BHLHE41: variants seen among roughly 807,000 people sequenced by gnomAD.
The protein encoded by BHLHE41 is class E basic helix-loop-helix protein 41.
BHLHE41 carries 14 observed loss-of-function variants against 24.0 expected under a neutral mutation model. The ratio of observed to expected loss-of-function variants is 0.58; its 90% confidence interval spans 0.39 to 0.91. The LOEUF is 0.91. Among genes scored for constraint, BHLHE41 ranks in the 40% least tolerant of loss-of-function variants. The pLI, the probability that BHLHE41 is intolerant of heterozygous loss-of-function variation, is 0.00. For missense variants in BHLHE41, 674 were observed against 655.4 expected (o/e 1.03, Z -0.31); for synonymous variants, 394 against 315.5 (o/e 1.25, Z -2.64).
chr12:26,124,550 G>A lies in BHLHE41; in HGVS notation c.95C>T (p.Pro32Leu), dbSNP rs1440971433. The change falls in exon 2 of 5, where the codon CCC (proline) becomes CTC (leucine). Residue 32 changes from proline (P) to leucine (L), a missense_variant. By Grantham distance (98) the Pro-to-Leu change is moderately conservative. This residue lies in a region of BHLHE41 where 67 missense variants were observed against 62.4 expected (regional missense o/e 1.07). Transcript: ENST00000242728. ...GTCGTCTCGTTTCATGCTCCTTTTG[G>A]GTTTACACATATACAAAGAGGAATA... Reference protein sequence around the residue: ...LDYSSLYMCKPKRSMKRDDTK... With the variant: ...LDYSSLYMCKLKRSMKRDDTK... 6.2e-7 allele frequency: 1 copy of A among 1,613,872 alleles called. No homozygotes were observed. Among genetic ancestry groups the A allele is most frequent in the Non-Finnish European group, 8.5e-7 (1 of 1,180,004 alleles).
Position 26,122,193 on chromosome 12 carries a change from A to T in BHLHE41, c.1322T>A (p.Leu441His). The part of the protein sequence containing the change: ...ATLLPHEVAP[L>H]GAPHPQHPHG... The stretch of plus-strand genomic sequence containing the variant: ...CGGGTGCTGGGGGTGCGGCGCCCCA[A>T]GGGGCGCCACCTCGTGCGGCAGGAG... Residue 441 changes from leucine (L) to histidine (H), a missense_variant, in exon 5 of 5, where the codon CTT (leucine) becomes CAT (histidine). By Grantham distance (99) the Leu-to-His change is moderately conservative. Coordinates refer to ENST00000242728, the MANE Select transcript of BHLHE41 (RefSeq NM_030762.3). The T allele has an allele frequency of 6.9e-7, 1 of 1,444,366 alleles. No individual in the cohort carries two copies. The highest frequency in any genetic ancestry group is 9.1e-7 in the Non-Finnish European group (1 of 1,100,832). 89.5% of individuals were successfully genotyped at this position (1,444,366 alleles called of 1,614,324 possible).
In BHLHE41 at chr12:26,122,905, G is replaced by A; in HGVS notation, c.610C>T (p.Leu204=). The change falls in exon 5 of 5, where the codon CTG becomes TTG. Residue 204 remains leucine, a synonymous_variant. Coordinates refer to ENST00000242728, the MANE Select transcript of BHLHE41 (RefSeq NM_030762.3). Reference sequence around the variant, plus strand: ...TCCAGCTTCTGCCCCGCGCGCTCCAGGCAGGGGGCGGCCGCGGACCCGGCG... The same window carrying A: ...TCCAGCTTCTGCCCCGCGCGCTCCAAGCAGGGGGCGGCCGCGGACCCGGCG... ...SAAGSAAAPC[L]ERAGQKLEPL... 1 of 1,549,832 alleles carries A rather than the reference G, an allele frequency of 6.5e-7. No individual in the cohort carries two copies. The highest frequency in any genetic ancestry group is 8.7e-7 in the Non-Finnish European group (1 of 1,146,512).
Position 26,121,811 on chromosome 12 carries a change from C to T in BHLHE41, c.*255G>A, listed in dbSNP as rs2137384032. The T allele has an allele frequency of 2.4e-6, 2 of 843,146 alleles. No homozygotes were observed. The highest frequency in any genetic ancestry group is 4.1e-4 in the Middle Eastern group (1 of 2,416). The allele number at this position is 843,146 out of a possible 1,614,324, so 52.2% of individuals were successfully genotyped here. A position where few individuals can be genotyped will look rare whatever the true frequency, so the allele number is the denominator to read the frequency against. Reference sequence around the variant, plus strand: ...AGAGCCAGTGTCTTTCGCATAGGATCTTTTACAGCTGGTGGGGGGAAGAAA... The same window carrying T: ...AGAGCCAGTGTCTTTCGCATAGGATTTTTTACAGCTGGTGGGGGGAAGAAA... On this transcript the variant is annotated 3_prime_UTR_variant, in exon 5 of 5. Coordinates refer to ENST00000242728, the MANE Select transcript of BHLHE41 (RefSeq NM_030762.3).
chr12:26,124,797 T>A lies in BHLHE41; in HGVS notation c.-18A>T. The A allele has an allele frequency of 6.2e-7, 1 of 1,614,046 alleles. No homozygotes were observed. Among genetic ancestry groups the A allele is most frequent in the Non-Finnish European group, 8.5e-7 (1 of 1,179,898 alleles). On this transcript the variant is annotated 5_prime_UTR_variant, in exon 1 of 5. Transcript: ENST00000242728. ...TCGTCCATGTTCAACTGCTGTTCGT[T>A]TCCTCTGTTTCGATTTTTGGGGCTC...
rs1306954687 is a variant in BHLHE41 at position 26,122,921 on chromosome 12, G to T, written c.594C>A (p.Ser198=). Residue 198 remains serine, a synonymous_variant, in exon 5 of 5, where the codon TCC becomes TCA. Coordinates refer to ENST00000242728, the MANE Select transcript of BHLHE41 (RefSeq NM_030762.3). ...CGCGCTCCAGGCAGGGGGCGGCCGCGGACCCGGCGGCCGAGGGAGCGCCGG... is the reference window on the plus strand; with the variant it reads ...CGCGCTCCAGGCAGGGGGCGGCCGCTGACCCGGCGGCCGAGGGAGCGCCGG... ...KGTGAPSAAG[S]AAAPCLERAG... is the part of the protein sequence containing the mutation. 1 of 1,550,042 alleles carries T rather than the reference G, an allele frequency of 6.5e-7. No individual in the cohort carries two copies. The highest frequency in any genetic ancestry group is 1.2e-5 in the South Asian group (1 of 83,964).
Position 26,124,084 on chromosome 12 carries a change from A to T in BHLHE41, c.222T>A (p.His74Gln). Residue 74 changes from histidine (H) to glutamine (Q), a missense_variant, in exon 3 of 5, where the codon CAT (histidine) becomes CAA (glutamine). His to Gln is a conservative substitution (Grantham distance 24, BLOSUM62 0). Around this residue, in one of 3 missense-constraint regions of BHLHE41, gnomAD observed 602 missense variants for 570.8 expected, o/e 1.05. Transcript: ENST00000242728. Reference sequence around the variant, plus strand: ...ATGTGCATCTTACTGTCAATTTCAGATGTTCAGGCAGTAAATCTTTCAGCT... The same window carrying T: ...ATGTGCATCTTACTGTCAATTTCAGTTGTTCAGGCAGTAAATCTTTCAGCT... ...IAQLKDLLPEHLKLTTLGHLE... is the reference protein window; with the variant it reads ...IAQLKDLLPEQLKLTTLGHLE... 1 of 1,604,734 alleles carries T rather than the reference A, an allele frequency of 6.2e-7. No individual in the cohort carries two copies.
chr12:26,124,224 C>A, intron 2 of BHLHE41, 45 bp from the exon 3 acceptor site: 1 of 1,278,538 alleles, frequency 7.8e-7, no homozygotes, highest in Non-Finnish European at 1.1e-6. Flanking sequence ...GTAAGCGAAA[C>A]ATTCACTTAT....
chr12:26,122,745 C>A lies in BHLHE41; in HGVS notation c.770G>T (p.Gly257Val). 1 of 1,597,532 alleles carries A rather than the reference C, an allele frequency of 6.3e-7. No individual in the cohort carries two copies. Among genetic ancestry groups the A allele is most frequent in the Non-Finnish European group, 8.5e-7 (1 of 1,176,564 alleles). The change falls in exon 5 of 5, where the codon GGC becomes GTC. Residue 257 changes from glycine to valine, a missense_variant. By Grantham distance (109) the Gly-to-Val change is moderately radical (BLOSUM62 -3). This residue lies in a region of BHLHE41 where 602 missense variants were observed against 570.8 expected (regional missense o/e 1.05). Transcript: ENST00000242728. ...EARPDREKGK[G>V]AGASRVTIKQ... ...GATGGTGACGCGGCTCGCCCCCGCG[C>A]CTTTGCCTTTCTCGCGGTCCGGCCG...
rs1565665138 is a variant in BHLHE41, at chr12:26,123,204, G to A, written c.347-36C>T. 3.9e-6 allele frequency: 6 copies of A among 1,544,204 alleles called. No individual in the cohort carries two copies. The African/African-American group carries it at 4.1e-5, about 11-fold the overall frequency. Reference sequence around the variant, plus strand: ...GAAGGGATGGGGGTGGGGGACGGAGGAGTGGAGGCAAGAAGAAACATACCC... The same window carrying A: ...GAAGGGATGGGGGTGGGGGACGGAGAAGTGGAGGCAAGAAGAAACATACCC... On this transcript the variant is annotated intron_variant, in intron 4 of 4. Coordinates refer to ENST00000242728, the MANE Select transcript of BHLHE41 (RefSeq NM_030762.3).
rs1221185550 is a variant in BHLHE41, at chr12:26,122,067, C to T, written c.1448G>A (p.Ter483=). 6.5e-7 allele frequency: 1 copy of T among 1,549,492 alleles called. No homozygotes were observed. Among genetic ancestry groups the T allele is most frequent in the Admixed American group, 2.0e-5 (1 of 50,960 alleles). The part of the protein sequence containing the change: ...DPSQPGKEAP[*] ...CTCCGTCCTTCGGGACGCAAGGATT[C>T]AGGGAGCTTCCTTTCCTGGCTGCGA... is the stretch of plus-strand genomic sequence containing the variant. The change falls in exon 5 of 5, where the codon TGA becomes TAA. Residue 483 remains the stop codon, a stop_retained_variant. Coordinates refer to ENST00000242728, the MANE Select transcript of BHLHE41 (RefSeq NM_030762.3).
At position 26,124,937 on chromosome 12, in the gene BHLHE41, T is replaced by TC. The variant is rs200202440; in HGVS notation, c.-159dup. The TC allele has an allele frequency of 8.6e-3, 6,482 of 751,328 alleles. 73 individuals carry two copies. Among genetic ancestry groups the TC allele is most frequent in the African/African-American group, 0.035 (2,033 of 57,744 alleles). 46.5% of individuals were successfully genotyped at this position (751,328 alleles called of 1,614,324 possible). On this transcript the variant is annotated 5_prime_UTR_variant, in exon 1 of 5. Transcript: ENST00000242728. ...AGTGTTGAAAGTGTGAAGCAGTTGG[T>TC]CCCCCCCCTCCACCGCGCTCGCACA...
In BHLHE41 at chr12:26,124,549, G is replaced by C. The variant is rs1944345903; in HGVS notation, c.96C>G (p.Pro32=). The part of the protein sequence containing the change: ...LDYSSLYMCK[P]KRSMKRDDTK... The stretch of plus-strand genomic sequence containing the variant: ...TGTCGTCTCGTTTCATGCTCCTTTT[G>C]GGTTTACACATATACAAAGAGGAAT... The change falls in exon 2 of 5, where the codon CCC becomes CCG. Residue 32 remains proline, a synonymous_variant. Transcript: ENST00000242728. The C allele has an allele frequency of 1.2e-6, 2 of 1,613,892 alleles. No individual in the cohort carries two copies. Among genetic ancestry groups the C allele is most frequent in the African/African-American group, 2.7e-5 (2 of 74,844 alleles).
rs954171284 is a variant in BHLHE41 at position 26,124,914 on chromosome 12, T to C, written c.-135A>G. The C allele has an allele frequency of 1.2e-5, 11 of 899,240 alleles. No homozygotes were observed. In the African/African-American group the frequency reaches 1.8e-4, roughly 15 times the overall value. 55.7% of individuals were successfully genotyped at this position (899,240 alleles called of 1,614,324 possible). ...CTCTCGCTCTCCCTCTTCAGTGCAG[T>C]GTTGAAAGTGTGAAGCAGTTGGTCC... On this transcript the variant is annotated 5_prime_UTR_variant, in exon 1 of 5. Coordinates refer to ENST00000242728, the MANE Select transcript of BHLHE41 (RefSeq NM_030762.3).
Position 26,124,772 on chromosome 12 carries a change from T to C in BHLHE41, c.8A>G (p.Glu3Gly). Reference protein sequence around the residue: MDEGIPHLQERQL... With the variant: MDGGIPHLQERQL... Reference sequence around the variant, plus strand: ...TCTCTCTTGCAAATGAGGAATTCCTTCGTCCATGTTCAACTGCTGTTCGTT... The same window carrying C: ...TCTCTCTTGCAAATGAGGAATTCCTCCGTCCATGTTCAACTGCTGTTCGTT... The change falls in exon 1 of 5, where the codon GAA becomes GGA. Residue 3 changes from glutamate to glycine, a missense_variant. Coordinates refer to ENST00000242728, the MANE Select transcript of BHLHE41 (RefSeq NM_030762.3). 6.2e-7 allele frequency: 1 copy of C among 1,614,184 alleles called. No individual in the cohort carries two copies. Among genetic ancestry groups the C allele is most frequent in the Non-Finnish European group, 8.5e-7 (1 of 1,180,026 alleles).
chr12:26,123,950 G>T, intron 3 of BHLHE41, 122 bp downstream of exon 3: 1 of 803,976 alleles, frequency 1.2e-6, no homozygotes. Context: ...AACTCTGTAC[G>T]GTATAGCACA....
chr12:26,125,031 GTGT>G lies in BHLHE41; in HGVS notation c.-255_-253del, dbSNP rs1944351869. 1 of 583,666 alleles carries G rather than the reference GTGT, an allele frequency of 1.7e-6. No individual in the cohort carries two copies. The highest frequency in any genetic ancestry group is 2.6e-5 in the Admixed American group (1 of 38,400). The allele number at this position is 583,666 out of a possible 1,614,324, so 36.2% of individuals were successfully genotyped here. On this transcript the variant is annotated 5_prime_UTR_variant, in exon 1 of 5. Coordinates refer to ENST00000242728, the MANE Select transcript of BHLHE41 (RefSeq NM_030762.3). ...TGGTAGTTTGCTCTCACTCCAGGCA[GTGT>G]TTGGCCACAGGGCACGCGCGTCGCC...
Position 26,122,386 on chromosome 12 carries a change from A to C in BHLHE41, c.1129T>G (p.Tyr377Asp). The change falls in exon 5 of 5, where the codon TAC (tyrosine) becomes GAC (aspartate). Residue 377 changes from tyrosine (Y) to aspartate (D), a missense_variant. Tyr to Asp is a radical substitution (Grantham distance 160). This residue lies in a region of BHLHE41 where 602 missense variants were observed against 570.8 expected (regional missense o/e 1.05). Transcript: ENST00000242728. ...AACGGGGCGGCAGCCGCCGCCGGGT[A>C]CAGATACTTCTCCAGGCCGCTCTTG... ...LDKSGLEKYL[Y>D]PAAAAAPFPL... 8.1e-7 allele frequency: 1 copy of C among 1,232,146 alleles called. No homozygotes were observed. Among genetic ancestry groups the C allele is most frequent in the Non-Finnish European group, 1.0e-6 (1 of 980,604 alleles). 76.3% of individuals were successfully genotyped at this position (1,232,146 alleles called of 1,614,324 possible).
At chr12:26,124,697 G>C (rs1338317203) in intron 1 of BHLHE41, 21 bp downstream of exon 1, 1 of 1,613,484 alleles carries the variant, frequency 6.2e-7, no homozygotes, top group Non-Finnish European at 8.5e-7. Context: ...ACAGATATTC[G>C]CAAGGGTGCG....
intron 3 of BHLHE41, 29 bp downstream of exon 3, chr12:26,124,043 G>T: frequency 7.1e-7 from 1 of 1,413,668 alleles, no homozygotes; most frequent in Non-Finnish European, 1.0e-6. Flanking sequence ...CCCTTGGAGA[G>T]CAGCAAAGAA....
Sources: gnomAD v4.1 joint callset for allele counts on GRCh38, gnomAD v4.1.1 for gene constraint, gnomAD v4.1.1 regional missense constraint, MANE v1.5 for transcripts, NCBI Gene and HGNC (gene_info 2026-07-23, HGNC 2026-07-21) for gene names.